The following LRRC4C variants were observed in gnomAD, a reference collection of about 807,000 sequenced individuals.
LRRC4C encodes the protein leucine-rich repeat-containing protein 4C.
LRRC4C carries 5 observed loss-of-function variants against 33.6 expected under a neutral mutation model. The observed-to-expected ratio is 0.15, with a 90% CI of 0.08 to 0.31. LRRC4C has a LOEUF of 0.31. Among genes scored for constraint, LRRC4C ranks in the 10% least tolerant of loss-of-function variants. The pLI, the probability that LRRC4C is intolerant of heterozygous loss-of-function variation, is 1.00. For synonymous variants in LRRC4C, 329 were observed against 302.0 expected (o/e 1.09, Z -0.93); for missense variants, 560 against 796.7 (o/e 0.70, Z 3.58).
intron 1 of LRRC4C, among the ~76,000 whole-genome samples, chr11:41,109,714 T>A (rs945431495): frequency 2.0e-5 from 3 of 151,980 alleles, no homozygotes; most frequent in Non-Finnish European, 2.9e-5. Context: ...TAAAAATGAG[T>A]CCAAGGAATT....
chr11:41,442,842 A>G (rs1026851334), intron 1 of LRRC4C, among the ~76,000 whole-genome samples: 1 of 152,134 alleles, frequency 6.6e-6, no homozygotes, highest in African/African-American at 2.4e-5. Flanking sequence ...TCATCTGTAT[A>G]ATCTGAAATA....
At chr11:41,294,333 G>GT (rs1565555423) in intron 1 of LRRC4C, among the ~76,000 whole-genome samples, 2 of 152,194 alleles carry the variant, frequency 1.3e-5, no homozygotes, top group African/African-American at 4.8e-5. Context: ...TTCGCACAGA[G>GT]TATCAGGTGA....
At chr11:40,148,255 C>T (rs1185520003) in intron 5 of LRRC4C, among the ~76,000 whole-genome samples, 1 of 152,138 alleles carries the variant, frequency 6.6e-6, no homozygotes, top group South Asian at 2.1e-4. Flanking sequence ...TGAAGAATTG[C>T]CGCACTGTTT....
At chr11:40,842,760 G>A (rs1294132478) in intron 2 of LRRC4C, among the ~76,000 whole-genome samples, 1 of 152,022 alleles carries the variant, frequency 6.6e-6, no homozygotes, top group Non-Finnish European at 1.5e-5. Flanking sequence ...TAGTAGAACC[G>A]TGGTTCTCAA....
At chr11:40,440,155 TC>T (rs1394407655) in intron 3 of LRRC4C, among the ~76,000 whole-genome samples, 2 of 152,182 alleles carry the variant, frequency 1.3e-5, no homozygotes, top group Non-Finnish European at 2.9e-5. Flanking sequence ...AGGGAGCTTG[TC>T]TGTTATTTTC....
At chr11:40,584,400 G>A (rs1317292709) in intron 3 of LRRC4C, among the ~76,000 whole-genome samples, 3 of 151,516 alleles carry the variant, frequency 2.0e-5, no homozygotes, top group Admixed American at 2.0e-4. Context: ...CACTGGTGTG[G>A]AGGACTACTA....
At chr11:40,785,125 C>T (rs929907168) in intron 2 of LRRC4C, among the ~76,000 whole-genome samples, 10 of 151,956 alleles carry the variant, frequency 6.6e-5, no homozygotes, top group African/African-American at 2.4e-4. Context: ...GCTATATAAT[C>T]TATGTTGTTA....
chr11:40,796,852 A>T (rs1950853705), intron 2 of LRRC4C, among the ~76,000 whole-genome samples: 1 of 151,926 alleles, frequency 6.6e-6, no homozygotes, highest in African/African-American at 2.4e-5. Context: ...TCACCCTGTT[A>T]GTCAGTCTGG....
intron 3 of LRRC4C, among the ~76,000 whole-genome samples, chr11:40,396,492 C>A (rs976147628): frequency 1.3e-5 from 2 of 152,048 alleles, no homozygotes; most frequent in East Asian, 3.9e-4. Context: ...CATGTAATTA[C>A]TCAAACTGAA....
intron 3 of LRRC4C, among the ~76,000 whole-genome samples, chr11:40,367,291 T>C (rs915209635): frequency 3.9e-5 from 6 of 152,060 alleles, no homozygotes; most frequent in East Asian, 3.9e-4. Flanking sequence ...TTTCTACTGA[T>C]ATAGAACAAC....
At chr11:40,416,958 C>T (rs1374091502) in intron 3 of LRRC4C, among the ~76,000 whole-genome samples, 2 of 152,166 alleles carry the variant, frequency 1.3e-5, no homozygotes, top group Non-Finnish European at 1.5e-5. Flanking sequence ...TTCACTATGC[C>T]TTCATGACTT....
intron 5 of LRRC4C, among the ~76,000 whole-genome samples, chr11:40,200,818 T>C (rs118029386): frequency 0.02 from 3,046 of 149,346 alleles, 45 homozygotes; most frequent in Admixed American, 0.03. Context: ...TTCTAGTTTT[T>C]CAAGCAGTCT....
chr11:40,140,431 A>T (rs897237454), intron 6 of LRRC4C, among the ~76,000 whole-genome samples: 2 of 152,112 alleles, frequency 1.3e-5, no homozygotes, highest in Non-Finnish European at 2.9e-5. Flanking sequence ...TGAGCCACCA[A>T]TACTCTTATA....
At chr11:40,617,352 T>G (rs550329106) in intron 3 of LRRC4C, among the ~76,000 whole-genome samples, 16 of 151,832 alleles carry the variant, frequency 1.1e-4, no homozygotes, top group South Asian at 2.1e-4. Flanking sequence ...CCTCATTGTT[T>G]CCTGGCTGTG....
intron 6 of LRRC4C, among the ~76,000 whole-genome samples, chr11:40,121,596 T>G (rs1357836419): frequency 6.6e-6 from 1 of 152,238 alleles, no homozygotes; most frequent in Non-Finnish European, 1.5e-5. Context: ...AGTTTTGAAT[T>G]AAACTATGAT....
chr11:40,589,388 G>T (rs1249200729), intron 3 of LRRC4C, among the ~76,000 whole-genome samples: 1 of 152,038 alleles, frequency 6.6e-6, no homozygotes, highest in Non-Finnish European at 1.5e-5. Flanking sequence ...CGTGAGATGG[G>T]TTTCCTGAAT....
chr11:41,283,269 A>T (rs2136947910), intron 1 of LRRC4C, among the ~76,000 whole-genome samples: 1 of 152,360 alleles, frequency 6.6e-6, no homozygotes, highest in Admixed American at 6.5e-5. Context: ...TTTAAAAAGT[A>T]AAAGATTCAT....
chr11:41,176,944 G>C (rs1024584656), intron 1 of LRRC4C, among the ~76,000 whole-genome samples: 1 of 151,870 alleles, frequency 6.6e-6, no homozygotes, highest in East Asian at 1.9e-4. Context: ...CAGCCTGGGC[G>C]ACAGAGTAAT....
chr11:40,936,140 G>A (rs1168091524), intron 1 of LRRC4C, among the ~76,000 whole-genome samples: 1 of 141,248 alleles, frequency 7.1e-6, no homozygotes, highest in Admixed American at 7.4e-5. Context: ...ATGATTTCCA[G>A]ATATTATAAT....
Sources: allele counts gnomAD v4.1 joint callset (sites outside exome capture counted in the v4.1 genomes callset), GRCh38; gene constraint gnomAD v4.1.1; transcripts MANE v1.5; gene names NCBI Gene and HGNC (gene_info 2026-07-23, HGNC 2026-07-21).